CCDC91: variants seen among roughly 807,000 people sequenced by gnomAD.
The protein encoded by CCDC91 is coiled-coil domain-containing protein 91.
In CCDC91, 48 loss-of-function variants were observed where a neutral mutation model predicts 63.2. That is an observed-to-expected ratio of 0.76 (90% CI 0.60 to 0.97). The LOEUF (loss-of-function observed/expected upper bound fraction) is 0.97. CCDC91 is among the 50% of genes least tolerant of loss of function. The pLI, the probability that CCDC91 is intolerant of heterozygous loss-of-function variation, is 0.00. For missense variants in CCDC91, 500 were observed against 494.6 expected (o/e 1.01, Z -0.10); for synonymous variants, 167 against 165.8 (o/e 1.01, Z -0.06).
At chr12:28,228,295 T>A (rs1298619583) in intron 1 of CCDC91, among the ~76,000 whole-genome samples, 1 of 152,108 alleles carries the variant, frequency 6.6e-6, no homozygotes, top group Non-Finnish European at 1.5e-5. Context: ...AACTTAGATA[T>A]CCTCACCCAT....
At chr12:28,536,239 C>T (rs572603858) in intron 12 of CCDC91, among the ~76,000 whole-genome samples, 1 of 152,184 alleles carries the variant, frequency 6.6e-6, no homozygotes, top group South Asian at 2.1e-4. Context: ...GTTGCAAAAG[C>T]TTTTACGCCA....
intron 1 of CCDC91, among the ~76,000 whole-genome samples, chr12:28,230,811 G>A (rs1944541660): frequency 1.3e-5 from 2 of 152,006 alleles, no homozygotes; most frequent in Non-Finnish European, 1.5e-5. Flanking sequence ...TTTTTGTAGT[G>A]ATGGGGTTTC....
At chr12:28,503,205 A>G (rs1938200501) in intron 12 of CCDC91, among the ~76,000 whole-genome samples, 3 of 152,302 alleles carry the variant, frequency 2.0e-5, no homozygotes, top group East Asian at 1.9e-4. Context: ...GCTAATATCC[A>G]GAATCTACAA....
At chr12:28,322,494 A>G (rs1333574401) in intron 6 of CCDC91, among the ~76,000 whole-genome samples, 1 of 151,632 alleles carries the variant, frequency 6.6e-6, no homozygotes, top group East Asian at 1.9e-4. Flanking sequence ...TGGTTTTTGA[A>G]GTTTCTCCCA....
intron 1 of CCDC91, among the ~76,000 whole-genome samples, chr12:28,235,592 A>AT (rs1944892306): frequency 9.6e-5 from 1 of 10,460 alleles, no homozygotes; most frequent in Admixed American, 1.5e-3. Context: ...GCCGCATAGC[A>AT]TTAAAAAAAA....
intron 12 of CCDC91, among the ~76,000 whole-genome samples, chr12:28,510,667 A>G (rs1177902648): frequency 1.3e-5 from 2 of 151,906 alleles, no homozygotes; most frequent in Non-Finnish European, 2.9e-5. Flanking sequence ...TCAGTATCTC[A>G]GTTTAGTAGA....
chr12:28,326,766 T>G (rs542573094), intron 6 of CCDC91, among the ~76,000 whole-genome samples: 1 of 152,056 alleles, frequency 6.6e-6, no homozygotes, highest in African/African-American at 2.4e-5. Context: ...TGATGATAAA[T>G]GAAACCGGCT....
chr12:28,364,810 C>G (rs1273186421), intron 7 of CCDC91, among the ~76,000 whole-genome samples: 1 of 152,178 alleles, frequency 6.6e-6, no homozygotes, highest in Non-Finnish European at 1.5e-5. Context: ...GTACCACAAA[C>G]CATCAACACA....
In CCDC91 at chr12:28,480,811, G is replaced by A. The variant is rs968740185; in HGVS notation, c.1102-3241G>A. On this transcript the variant is annotated intron_variant, in intron 11 of 12. Coordinates refer to ENST00000536442, the MANE Select transcript of CCDC91 (RefSeq NM_018318.5). The stretch of plus-strand genomic sequence containing the variant: ...AGTTAGTTGGTGATACTTGTTTTCT[G>A]TAAATAACTGAGCTATGTTTACAGT... 2.0e-5 allele frequency among the ~76,000 whole-genome samples: 3 copies of A among 151,976 alleles called. No individual in the cohort carries two copies. In the Admixed American group the frequency reaches 2.0e-4, roughly 10 times the overall value.
intron 12 of CCDC91, among the ~76,000 whole-genome samples, chr12:28,484,399 A>G (rs1243358545): frequency 6.6e-6 from 1 of 152,186 alleles, no homozygotes; most frequent in African/African-American, 2.4e-5. Context: ...ACTCCTAGAA[A>G]TAACCTATAT....
intron 3 of CCDC91, among the ~76,000 whole-genome samples, chr12:28,267,900 AATT>A (rs1407033743): frequency 1.3e-5 from 1 of 75,944 alleles, no homozygotes; most frequent in African/African-American, 5.0e-5. Flanking sequence ...AATTATATAT[AATT>A]ATATTATATA....
intron 12 of CCDC91, among the ~76,000 whole-genome samples, chr12:28,521,689 G>T (rs533592566): frequency 1.3e-5 from 2 of 152,266 alleles, no homozygotes; most frequent in South Asian, 4.1e-4. Context: ...TGCCCATTCA[G>T]TATGATATTG....
At chr12:28,311,338 C>A (rs1939298803) in intron 6 of CCDC91, among the ~76,000 whole-genome samples, 1 of 152,018 alleles carries the variant, frequency 6.6e-6, no homozygotes, top group Non-Finnish European at 1.5e-5. Context: ...TGGCTTCCCA[C>A]TCAGCTTCCT....
chr12:28,329,708 C>T (rs1428536654), intron 6 of CCDC91, among the ~76,000 whole-genome samples: 1 of 152,066 alleles, frequency 6.6e-6, no homozygotes, highest in African/African-American at 2.4e-5. Context: ...TGTTGGTTTG[C>T]TGCACCCATT....
chr12:28,397,137 G>A (rs1342985974), intron 8 of CCDC91, among the ~76,000 whole-genome samples: 1 of 152,116 alleles, frequency 6.6e-6, no homozygotes, highest in East Asian at 1.9e-4. Flanking sequence ...AGGAAACCCA[G>A]AAATACAGAG....
intron 6 of CCDC91, among the ~76,000 whole-genome samples, chr12:28,330,048 C>A (rs1941365527): frequency 1.3e-5 from 2 of 152,134 alleles, no homozygotes; most frequent in Non-Finnish European, 2.9e-5. Flanking sequence ...CAAGTCTTTG[C>A]TGTTGTGAAT....
At chr12:28,539,728 C>T (rs987651166) in intron 12 of CCDC91, among the ~76,000 whole-genome samples, 2 of 152,084 alleles carry the variant, frequency 1.3e-5, no homozygotes, top group African/African-American at 4.8e-5. Context: ...ATTCTTAGAT[C>T]CAGGTGGGAG....
chr12:28,286,989 G>T (rs1298053576), intron 3 of CCDC91, among the ~76,000 whole-genome samples: 2 of 151,846 alleles, frequency 1.3e-5, no homozygotes, highest in Non-Finnish European at 2.9e-5. Context: ...TTTTTCATAT[G>T]CTTGTTGGCT....
At chr12:28,538,763 C>T (rs540984185) in intron 12 of CCDC91, among the ~76,000 whole-genome samples, 2 of 152,158 alleles carry the variant, frequency 1.3e-5, no homozygotes, top group African/African-American at 4.8e-5. Context: ...TCCTCTCCAG[C>T]ACCTCTTGTT....
Sources: allele counts gnomAD v4.1 joint callset (sites outside exome capture counted in the v4.1 genomes callset), GRCh38; gene constraint gnomAD v4.1.1; transcripts MANE v1.5; gene names NCBI Gene and HGNC (gene_info 2026-07-23, HGNC 2026-07-21).